Variants in STX18 observed in about 807,000 individuals in gnomAD.
The protein encoded by STX18 is syntaxin 18, also known as syntaxin-18.
Under a neutral mutation model 50.1 loss-of-function variants are expected in STX18, and 40 were observed. The ratio of observed to expected loss-of-function variants is 0.80; its 90% CI spans 0.62 to 1.04. The LOEUF is 1.04. STX18 is among the 50% of genes least tolerant of loss of function. STX18 has a pLI of 0.00. For synonymous variants in STX18, 158 were observed against 151.8 expected, an observed-to-expected ratio of 1.04 and a Z score of -0.30; for missense variants, 410 against 415.8, an observed-to-expected ratio of 0.99 and a Z score of 0.12.
chr4:4,500,532 A>G (rs961620618), intron 1 of STX18, among the ~76,000 whole-genome samples: 6 of 152,206 alleles, frequency 3.9e-5, no homozygotes, highest in African/African-American at 1.4e-4. Flanking sequence ...CAGCAACCTG[A>G]GCATCCACAG....
At chr4:4,479,942 A>T (rs926022054) in intron 1 of STX18, among the ~76,000 whole-genome samples, 4 of 152,234 alleles carry the variant, frequency 2.6e-5, no homozygotes, top group African/African-American at 9.6e-5. Flanking sequence ...ACATGGACTC[A>T]ACACCAGGAA....
chr4:4,438,646 A>G, intron 5 of STX18, 137 bp from the exon 6 acceptor site: 2 of 658,186 alleles, frequency 3.0e-6, no homozygotes, highest in Non-Finnish European at 5.2e-6. Context: ...CTCTGGGCCC[A>G]GTGGCCATCC....
chr4:4,420,601 T>C lies in STX18; in HGVS notation c.912+263A>G. 1 of 505,556 alleles carries C rather than the reference T, an allele frequency of 2.0e-6. No individual in the cohort carries two copies. Among genetic ancestry groups the C allele is most frequent in the Non-Finnish European group, 3.5e-6 (1 of 284,584 alleles). 31.3% of individuals were successfully genotyped at this position (505,556 alleles called of 1,614,324 possible). On this transcript the variant is annotated intron_variant, in intron 10 of 10. Coordinates refer to ENST00000306200, the MANE Select transcript of STX18 (RefSeq NM_016930.4). The surrounding 1 kb of genome is among the most constrained non-coding windows in gnomAD (Gnocchi z 4.3). ...CATCCCTGGACATGAAGAGCTGGCC[T>C]GACCCTGCCAGGAGTACCCCCACCC...
intron 1 of STX18, among the ~76,000 whole-genome samples, chr4:4,495,539 T>G (rs968058025): frequency 3.3e-5 from 5 of 150,124 alleles, no homozygotes; most frequent in African/African-American, 1.2e-4. Context: ...CAGGCACGCG[T>G]GTCTGGCTAA....
intron 2 of STX18, among the ~76,000 whole-genome samples, chr4:4,470,861 C>A (rs1420562298): frequency 6.6e-6 from 1 of 152,018 alleles, no homozygotes; most frequent in Non-Finnish European, 1.5e-5. Flanking sequence ...GTGGGGAGAC[C>A]GCAGTGTAGA....
chr4:4,487,686 A>G (rs1468274353), intron 1 of STX18, among the ~76,000 whole-genome samples: 1 of 152,180 alleles, frequency 6.6e-6, no homozygotes, highest in Non-Finnish European at 1.5e-5. Flanking sequence ...AAACCCATCA[A>G]TTTTATTTAG....
At chr4:4,476,493 G>A (rs1728182460) in intron 1 of STX18, among the ~76,000 whole-genome samples, 1 of 152,154 alleles carries the variant, frequency 6.6e-6, no homozygotes, top group Non-Finnish European at 1.5e-5. Context: ...GGCTCCCTCA[G>A]TACTGTTAAA....
In STX18 at chr4:4,419,990, T is replaced by A; in HGVS notation, c.*44A>T. 6.6e-7 allele frequency: 1 copy of A among 1,520,864 alleles called. No individual in the cohort carries two copies. The highest frequency in any genetic ancestry group is 9.0e-7 in the Non-Finnish European group (1 of 1,110,050). 94.2% of individuals were successfully genotyped at this position (1,520,864 alleles called of 1,614,324 possible). A position where few individuals can be genotyped will look rare whatever the true frequency, so the allele number is the denominator to read the frequency against. ...GAAGTACATGAAAGCACGCAGTCTG[T>A]GAGTGCCCATGAGGACTCTCGTGCT... On this transcript the variant is annotated 3_prime_UTR_variant, in exon 11 of 11. Transcript: ENST00000306200.
At position 4,499,847 on chromosome 4, in the gene STX18, T is replaced by C. The variant is rs1045412585; in HGVS notation, c.169-28141A>G. ...AGAATGTGCGTTCAGTGGGGGGAAA[T>C]GGCTTTTCAAATCGACTTTTTTTTT... On this transcript the variant is annotated intron_variant, in intron 1 of 10. Coordinates refer to ENST00000306200, the MANE Select transcript of STX18 (RefSeq NM_016930.4). Among the ~76,000 whole-genome samples the C allele has an allele frequency of 1.3e-4, 19 of 150,242 alleles. No individual in the cohort carries two copies. In the South Asian group the frequency reaches 1.7e-3, roughly 14 times the overall value.
intron 1 of STX18, among the ~76,000 whole-genome samples, chr4:4,509,124 T>C (rs28480523): frequency 0.16 from 24,278 of 152,220 alleles, 1,987 homozygotes; most frequent in Non-Finnish European, 0.18. Flanking sequence ...CTCTAGTTAT[T>C]TGAAGAATTG....
chr4:4,515,136 G>C (rs1330373130), intron 1 of STX18, among the ~76,000 whole-genome samples: 1 of 152,004 alleles, frequency 6.6e-6, no homozygotes, highest in East Asian at 1.9e-4. Context: ...GTCCTTAAAA[G>C]TTCCAAAGGA....
chr4:4,456,923 G>C (rs1346425195), intron 5 of STX18, among the ~76,000 whole-genome samples: 17 of 152,170 alleles, frequency 1.1e-4, no homozygotes, highest in Middle Eastern at 3.2e-3. Flanking sequence ...GGGATCTAGG[G>C]TGAGTGGCCA....
intron 2 of STX18, among the ~76,000 whole-genome samples, chr4:4,467,674 T>C (rs1727686086): frequency 7.6e-6 from 1 of 131,972 alleles, no homozygotes; most frequent in Admixed American, 9.7e-5. Context: ...AGATAAAATA[T>C]GAATAACTGG....
chr4:4,444,681 T>C (rs1325604519), intron 5 of STX18, among the ~76,000 whole-genome samples: 12 of 152,228 alleles, frequency 7.9e-5, no homozygotes, highest in African/African-American at 2.4e-4. Flanking sequence ...ATGAGTATAA[T>C]AGTGTTTCTG....
At position 4,457,514 on chromosome 4, in the gene STX18, A is replaced by C. The variant is rs1727143159; in HGVS notation, c.353-14T>G. ...TCTCCTTGTGAGCTGTAACAGAAAA[A>C]GACAATGTTCAGGCCTTCGCACTCA... On this transcript the variant is annotated splice_polypyrimidine_tract_variant and intron_variant, in intron 3 of 10. Transcript: ENST00000306200. The C allele has an allele frequency of 6.2e-7, 1 of 1,610,636 alleles. No homozygotes were observed. The highest frequency in any genetic ancestry group is 1.7e-5 in the Admixed American group (1 of 59,846).
chr4:4,507,486 C>T (rs1729770069), intron 1 of STX18: 4 of 764,044 alleles, frequency 5.2e-6, no homozygotes, highest in African/African-American at 1.7e-5. Flanking sequence ...TTATCTTTAT[C>T]GCTCAGAGGA....
intron 5 of STX18, among the ~76,000 whole-genome samples, chr4:4,449,037 CCATT>C (rs1416247887): frequency 6.6e-6 from 1 of 150,502 alleles, no homozygotes; most frequent in African/African-American, 2.5e-5. Flanking sequence ...CCCTTGGACC[CCATT>C]CTTTTTTTTT....
chr4:4,454,323 C>CTA (rs1726950780), intron 5 of STX18, among the ~76,000 whole-genome samples: 1 of 152,206 alleles, frequency 6.6e-6, no homozygotes, highest in African/African-American at 2.4e-5. Context: ...GGAGACAAGG[C>CTA]TATACTTCGC....
At chr4:4,459,608 G>T in intron 2 of STX18, 121 bp from the exon 3 acceptor site, 1 of 720,760 alleles carries the variant, frequency 1.4e-6, no homozygotes, top group Non-Finnish European at 2.4e-6. Context: ...GACTTGAAGG[G>T]TGAGGAGGAA....
Sources: gnomAD v4.1 joint callset for allele counts (sites outside exome capture counted in the v4.1 genomes callset) on GRCh38, gnomAD v4.1.1 for gene constraint, Gnocchi (gnomAD v3.1) non-coding constraint, MANE v1.5 for transcripts, NCBI Gene and HGNC (gene_info 2026-07-23, HGNC 2026-07-21) for gene names.